SHTN1: variants seen among roughly 807,000 people sequenced by gnomAD.
SHTN1 encodes the protein shootin-1.
A neutral mutation model predicts 83.1 loss-of-function variants in SHTN1; 42 were observed. The observed-to-expected ratio is 0.51, with a 90% CI of 0.39 to 0.65. The LOEUF (loss-of-function observed/expected upper bound fraction) is 0.65. Ranked by LOEUF, SHTN1 falls within the 30% of genes least tolerant of loss-of-function variation. The probability of loss-of-function intolerance (pLI) is 0.00; values close to 1 mark genes in which losing one functional copy is unlikely to be tolerated. For synonymous variants in SHTN1, 224 were observed against 247.7 expected (o/e 0.90, Z 0.90); for missense variants, 622 against 737.8 (o/e 0.84, Z 1.82).
chr10:117,027,356 C>A (rs1852346624), intron 2 of SHTN1, among the ~76,000 whole-genome samples: 1 of 152,112 alleles, frequency 6.6e-6, no homozygotes, highest in Non-Finnish European at 1.5e-5. Flanking sequence ...GCTGTGGCCA[C>A]AGGAAGTGCC....
At chr10:117,063,878 T>A (rs564792578) in intron 1 of SHTN1, among the ~76,000 whole-genome samples, 1 of 152,302 alleles carries the variant, frequency 6.6e-6, no homozygotes, top group East Asian at 1.9e-4. Context: ...TTTCTTGATA[T>A]CCCCAAATCC....
intron 14 of SHTN1, among the ~76,000 whole-genome samples, chr10:116,909,699 T>C (rs1020539611): frequency 1.3e-5 from 2 of 151,956 alleles, no homozygotes; most frequent in African/African-American, 4.8e-5. Context: ...ACTCAGAAAA[T>C]AGAATAGGGG....
rs534209108 is a variant in SHTN1 at position 117,047,140 on chromosome 10, C to G, written c.-123+1305G>C. Among the ~76,000 whole-genome samples the G allele has an allele frequency of 2.0e-5, 3 of 152,324 alleles. No individual in the cohort carries two copies. In the East Asian group the frequency reaches 5.8e-4, roughly 29 times the overall value. ...AGTGCAGTGGCACGATCTCAGCACA[C>G]TGCAACCTCTGCCTCCCAGGATCAA... On this transcript the variant is annotated intron_variant, in intron 2 of 17. Transcript: ENST00000392901.
chr10:116,982,231 G>A (rs1370600984), intron 1 of SHTN1, among the ~76,000 whole-genome samples: 1 of 152,082 alleles, frequency 6.6e-6, no homozygotes, highest in Non-Finnish European at 1.5e-5. Flanking sequence ...CAATTACTGA[G>A]TATTTATGAA....
intron 1 of SHTN1, among the ~76,000 whole-genome samples, chr10:117,083,029 A>G (rs1001918988): frequency 2.7e-5 from 4 of 150,160 alleles, no homozygotes; most frequent in Non-Finnish European, 6.0e-5. Context: ...CATTTAGTCC[A>G]TTTACATTTA....
chr10:117,000,211 G>A (rs1851776803), intron 1 of SHTN1, among the ~76,000 whole-genome samples: 1 of 152,178 alleles, frequency 6.6e-6, no homozygotes, highest in Non-Finnish European at 1.5e-5. Flanking sequence ...GATCTCATAT[G>A]CACCCAAGAT....
At chr10:117,004,934 G>T in intron 1 of SHTN1, 88 bp downstream of exon 1, 1 of 1,227,922 alleles carries the variant, frequency 8.1e-7, no homozygotes, top group East Asian at 2.7e-5. Flanking sequence ...CTCCCGCCCG[G>T]CTTCCAACTG....
At chr10:117,085,605 A>G (rs939720684) in intron 1 of SHTN1, among the ~76,000 whole-genome samples, 1 of 152,192 alleles carries the variant, frequency 6.6e-6, no homozygotes, top group Non-Finnish European at 1.5e-5. Context: ...CTGTCGTTGA[A>G]GTATTCTATA....
chr10:117,033,998 A>T (rs955398078), intron 2 of SHTN1, among the ~76,000 whole-genome samples: 1 of 152,220 alleles, frequency 6.6e-6, no homozygotes, highest in Non-Finnish European at 1.5e-5. Flanking sequence ...AAAAACTCTA[A>T]AAAACCGGGT....
chr10:117,084,892 G>A (rs535634260), intron 1 of SHTN1, among the ~76,000 whole-genome samples: 3 of 152,040 alleles, frequency 2.0e-5, no homozygotes, highest in East Asian at 3.9e-4. Flanking sequence ...GCCCTGCTTC[G>A]GCTCGCGCAC....
chr10:117,010,191 GAAAA>G (rs34469385), upstream of SHTN1, among the ~76,000 whole-genome samples: 1 of 151,606 alleles, frequency 6.6e-6, no homozygotes, highest in Non-Finnish European at 1.5e-5. Context: ...AATTAACGAA[GAAAA>G]AAAAGAAATA....
At chr10:116,978,460 T>A (rs994238265) in intron 2 of SHTN1, among the ~76,000 whole-genome samples, 3 of 152,180 alleles carry the variant, frequency 2.0e-5, no homozygotes, top group South Asian at 2.1e-4. Flanking sequence ...AACAAAGTAA[T>A]TTTTTAAAGT....
At chr10:116,993,239 T>A (rs1851510590) in intron 1 of SHTN1, among the ~76,000 whole-genome samples, 1 of 152,008 alleles carries the variant, frequency 6.6e-6, no homozygotes, top group Non-Finnish European at 1.5e-5. Flanking sequence ...ATGGTCTCGA[T>A]CTCCTGACCT....
intron 8 of SHTN1, among the ~76,000 whole-genome samples, chr10:116,941,788 G>A (rs963896727): frequency 1.3e-5 from 2 of 152,004 alleles, no homozygotes; most frequent in African/African-American, 2.4e-5. Context: ...GATCAGTATC[G>A]ACTTCCACAT....
chr10:117,023,261 T>C (rs1228757357), intron 2 of SHTN1, among the ~76,000 whole-genome samples: 1 of 152,198 alleles, frequency 6.6e-6, no homozygotes, highest in Non-Finnish European at 1.5e-5. Context: ...GCAAAATGTA[T>C]CTAGAAATCT....
At chr10:117,121,408 C>T (rs1458090681) in intron 1 of SHTN1, among the ~76,000 whole-genome samples, 24 of 151,338 alleles carry the variant, frequency 1.6e-4, no homozygotes, top group African/African-American at 4.6e-4. Flanking sequence ...TGAAACTCTG[C>T]CTCTACTAAA....
At chr10:117,096,718 C>T (rs551053891) in intron 1 of SHTN1, among the ~76,000 whole-genome samples, 122 of 152,262 alleles carry the variant, frequency 8.0e-4, no homozygotes, top group Middle Eastern at 3.4e-3. Context: ...GCTCCGGAGC[C>T]GCCACCAGGC....
chr10:116,951,918 T>C lies in SHTN1; in HGVS notation c.525A>G (p.Val175=), dbSNP rs764669933. ...LENLKSKLVE[V]IEEVNKVKQE... is the part of the protein sequence containing the mutation. Reference sequence around the variant, plus strand: ...GGCCTGAGATACATACTTCTTCAATTACTTCTACGAGTTTGCTCTTGAGAT... The same window carrying C: ...GGCCTGAGATACATACTTCTTCAATCACTTCTACGAGTTTGCTCTTGAGAT... The change falls in exon 6 of 17, where the codon GTA becomes GTG. Residue 175 remains valine (V), a synonymous_variant. Coordinates refer to ENST00000355371, the MANE Select transcript of SHTN1 (RefSeq NM_001127211.3). 2 of 1,577,026 alleles carry C rather than the reference T, an allele frequency of 1.3e-6. No individual in the cohort carries two copies. The highest frequency in any genetic ancestry group is 3.4e-5 in the Admixed American group (2 of 59,106).
chr10:117,004,747 C>T (rs1006039342), intron 1 of SHTN1, among the ~76,000 whole-genome samples: 3 of 152,218 alleles, frequency 2.0e-5, no homozygotes, highest in East Asian at 3.9e-4. Flanking sequence ...TCCCTTCCCC[C>T]AGCCCCCGAT....
Sources: allele counts gnomAD v4.1 joint callset (sites outside exome capture counted in the v4.1 genomes callset), GRCh38; gene constraint gnomAD v4.1.1; transcripts MANE v1.5; gene names NCBI Gene and HGNC (gene_info 2026-07-23, HGNC 2026-07-21).